The following TCF7 variants were observed in gnomAD, a reference collection of about 807,000 sequenced individuals.
The protein encoded by TCF7 is transcription factor 7.
TCF7 carries 19 observed loss-of-function variants against 46.8 expected under a neutral mutation model. The observed-to-expected ratio is 0.41, with a 90% CI of 0.28 to 0.60. The LOEUF is 0.60. Ranked by LOEUF, TCF7 falls within the 20% of genes least tolerant of loss-of-function variation. The pLI is 0.35. For missense variants in TCF7, 547 were observed against 504.6 expected (o/e 1.08, Z -0.81); for synonymous variants, 245 against 213.4 (o/e 1.15, Z -1.29).
chr5:134,119,503 CAAATT>C (rs939124139), intron 3 of TCF7, among the ~76,000 whole-genome samples: 10 of 152,348 alleles, frequency 6.6e-5, no homozygotes, highest in East Asian at 1.9e-4. Context: ...AATTACATCT[CAAATT>C]AAATAAAAAG....
chr5:134,117,087 T>G (rs546228697), intron 3 of TCF7, among the ~76,000 whole-genome samples: 1 of 152,382 alleles, frequency 6.6e-6, no homozygotes, highest in African/African-American at 2.4e-5. Flanking sequence ...CATATAGGCT[T>G]CTTTCCAGAA....
upstream of TCF7, among the ~76,000 whole-genome samples, chr5:134,114,312 T>C (rs1051218840): frequency 2.6e-5 from 4 of 151,942 alleles, no homozygotes; most frequent in Admixed American, 1.3e-4. Context: ...ACAGGGCGCA[T>C]TGGAGCCTGG....
chr5:134,142,158 C>T (rs1759895836), intron 5 of TCF7, 27 bp from the exon 6 acceptor site: 2 of 1,613,774 alleles, frequency 1.2e-6, no homozygotes, highest in Non-Finnish European at 1.7e-6. Context: ...ATTCTTGGCT[C>T]AGTGTTAACT....
At chr5:134,114,457 G>A (rs1755512261), upstream of TCF7, among the ~76,000 whole-genome samples, 1 of 152,182 alleles carries the variant, frequency 6.6e-6, no homozygotes, top group African/African-American at 2.4e-5. Context: ...TTGTAGGTGA[G>A]TAAGCGGGGT....
intron 3 of TCF7, chr5:134,123,560 C>T: frequency 2.5e-6 from 1 of 401,354 alleles, no homozygotes; most frequent in South Asian, 1.8e-5. Flanking sequence ...GGGTGGGGGC[C>T]CCACTGGAAC....
At chr5:134,142,656 G>T in intron 6 of TCF7, 65 bp from the exon 7 acceptor site, 1 of 1,590,060 alleles carries the variant, frequency 6.3e-7, no homozygotes. Context: ...CCACGCTAGA[G>T]GAGGAGGCTG....
intron 3 of TCF7, among the ~76,000 whole-genome samples, chr5:134,129,197 G>C (rs1757765242): frequency 6.6e-6 from 1 of 152,212 alleles, no homozygotes; most frequent in South Asian, 2.1e-4. Flanking sequence ...AAGACTGGTG[G>C]GATTCCGGCA....
chr5:134,117,232 A>G (rs1755952054), intron 3 of TCF7, among the ~76,000 whole-genome samples: 1 of 152,194 alleles, frequency 6.6e-6, no homozygotes, highest in African/African-American at 2.4e-5. Flanking sequence ...GGCTTGGTAT[A>G]TGAGGTGGTT....
At chr5:134,138,583 A>G in intron 4 of TCF7, 1 of 278,376 alleles carries the variant, frequency 3.6e-6, no homozygotes, top group East Asian at 7.1e-5. Flanking sequence ...CCTGGGGGGC[A>G]GGTGGAGCCT....
chr5:134,145,238 G>A, intron 9 of TCF7: 1 of 556,138 alleles, frequency 1.8e-6, no homozygotes, highest in Non-Finnish European at 3.5e-6. Context: ...TGGCCCATGG[G>A]CTCCCTCACT....
upstream of TCF7, among the ~76,000 whole-genome samples, chr5:134,109,993 A>C (rs1170196787): frequency 2.6e-5 from 4 of 152,122 alleles, no homozygotes; most frequent in African/African-American, 9.7e-5. Context: ...CGCTGTCGCC[A>C]CCTTGGTGTC....
Position 134,142,730 on chromosome 5 carries a change from A to G in TCF7, c.765A>G (p.Gln255=). 1 of 1,614,058 alleles carries G rather than the reference A, an allele frequency of 6.2e-7. No individual in the cohort carries two copies. The highest frequency in any genetic ancestry group is 8.5e-7 in the Non-Finnish European group (1 of 1,179,946). The change falls in exon 7 of 10, where the codon CAA becomes CAG. Residue 255 remains glutamine (Q), a synonymous_variant. Coordinates refer to ENST00000342854, the MANE Select transcript of TCF7 (RefSeq NM_003202.5). Reference sequence around the variant, plus strand: ...GATTTGTGCCCCTCAGGAAGACACAAGCAGAGTCCAAGGCAGAGAAGGAGG... The same window carrying G: ...GATTTGTGCCCCTCAGGAAGACACAGGCAGAGTCCAAGGCAGAGAAGGAGG... ...LQPFDRNLKT[Q]AESKAEKEAK...
In TCF7 at chr5:134,147,301, A is replaced by ACC; in HGVS notation, c.*998_*999insCC. The ACC allele has an allele frequency of 6.6e-6, 1 of 152,458 alleles. No homozygotes were observed. The highest frequency in any genetic ancestry group is 6.5e-5 in the Admixed American group (1 of 15,296). 9.4% of individuals were successfully genotyped at this position (152,458 alleles called of 1,614,324 possible). On this transcript the variant is annotated 3_prime_UTR_variant, in exon 10 of 10. Coordinates refer to ENST00000342854, the MANE Select transcript of TCF7 (RefSeq NM_003202.5). The stretch of plus-strand genomic sequence containing the variant: ...CCCCAGGCTTGTCACTAGCAGCTGC[A>ACC]GTCAACAGTTCAAAGAAGTCATGGC...
intron 6 of TCF7, among the ~76,000 whole-genome samples, 158 bp downstream of exon 6, chr5:134,142,462 G>T (rs747517105): frequency 9.0e-5 from 13 of 143,722 alleles, no homozygotes; most frequent in Non-Finnish European, 1.5e-4. Flanking sequence ...GTGGGATGGG[G>T]AACAAGGATT....
At chr5:134,133,892 A>G (rs1048901670) in intron 3 of TCF7, among the ~76,000 whole-genome samples, 1 of 152,202 alleles carries the variant, frequency 6.6e-6, no homozygotes, top group Non-Finnish European at 1.5e-5. Flanking sequence ...TCACATGCAT[A>G]TGTACCAGGC....
intron 3 of TCF7, among the ~76,000 whole-genome samples, chr5:134,136,710 G>T (rs954830305): frequency 2.6e-5 from 4 of 152,110 alleles, no homozygotes; most frequent in African/African-American, 9.7e-5. Context: ...TCCAGGCCTG[G>T]TAATAAAGGG....
At position 134,142,316 on chromosome 5, in the gene TCF7, G is replaced by C; in HGVS notation, c.755+12G>C. On this transcript the variant is annotated intron_variant, in intron 6 of 9. Coordinates refer to ENST00000342854, the MANE Select transcript of TCF7 (RefSeq NM_003202.5). Reference sequence around the variant, plus strand: ...TTCGACCGCAACCTGTGAGTGAAAAGACAATGATGGCAGGGGGTGTGTCAG... The same window carrying C: ...TTCGACCGCAACCTGTGAGTGAAAACACAATGATGGCAGGGGGTGTGTCAG... The C allele has an allele frequency of 6.4e-7, 1 of 1,568,588 alleles. No homozygotes were observed. The highest frequency in any genetic ancestry group is 2.3e-5 in the East Asian group (1 of 44,184).
chr5:134,120,643 ACT>A (rs1302184035), intron 3 of TCF7, among the ~76,000 whole-genome samples: 2 of 151,746 alleles, frequency 1.3e-5, no homozygotes, highest in African/African-American at 4.8e-5. Flanking sequence ...CTCGTTCCTC[ACT>A]CAGGGCTCAA....
In TCF7 at chr5:134,146,505, A is replaced by G. The variant is rs979738343; in HGVS notation, c.*202A>G. ...ACACAGGTACAGCAACAGGAATCTCAGAGACAGGTGGCCTAGCAGGCACAG... is the reference window on the plus strand; with the variant it reads ...ACACAGGTACAGCAACAGGAATCTCGGAGACAGGTGGCCTAGCAGGCACAG... On this transcript the variant is annotated 3_prime_UTR_variant, in exon 10 of 10. Transcript: ENST00000342854. The G allele has an allele frequency of 9.5e-6, 7 of 738,868 alleles. No individual in the cohort carries two copies. The highest frequency in any genetic ancestry group is 1.7e-5 in the Non-Finnish European group (7 of 403,294). 45.8% of individuals were successfully genotyped at this position (738,868 alleles called of 1,614,324 possible). A position where few individuals can be genotyped will look rare whatever the true frequency, so the allele number is the denominator to read the frequency against.
Sources: gnomAD v4.1 joint callset for allele counts (sites outside exome capture counted in the v4.1 genomes callset) on GRCh38, gnomAD v4.1.1 for gene constraint, MANE v1.5 for transcripts, NCBI Gene and HGNC (gene_info 2026-07-23, HGNC 2026-07-21) for gene names.